Variants in SNTB1 observed in about 807,000 individuals in gnomAD.
The protein encoded by SNTB1 is beta-1-syntrophin.
A neutral mutation model predicts 48.9 loss-of-function variants in SNTB1; 36 were observed. The ratio of observed to expected loss-of-function variants is 0.74; its 90% CI spans 0.56 to 0.97. The LOEUF is 0.97. SNTB1 is among the 50% of genes least tolerant of loss of function. The pLI is 0.00. For missense variants in SNTB1, 786 were observed against 703.4 expected (o/e 1.12, Z -1.33); for synonymous variants, 299 against 294.6 (o/e 1.01, Z -0.15).
intron 3 of SNTB1, among the ~76,000 whole-genome samples, chr8:120,587,292 T>G (rs986079499): frequency 6.6e-6 from 1 of 152,040 alleles, no homozygotes; most frequent in Non-Finnish European, 1.5e-5. Flanking sequence ...AACTAATGTT[T>G]TATGGGAGGA....
At chr8:120,751,127 G>C (rs1819206618) in intron 1 of SNTB1, among the ~76,000 whole-genome samples, 1 of 152,162 alleles carries the variant, frequency 6.6e-6, no homozygotes, top group South Asian at 2.1e-4. Flanking sequence ...TCTGATGGAG[G>C]AGAGATGATG....
intron 1 of SNTB1, among the ~76,000 whole-genome samples, chr8:120,778,630 T>C (rs1819778515): frequency 6.6e-6 from 1 of 152,204 alleles, no homozygotes; most frequent in African/African-American, 2.4e-5. Flanking sequence ...TGGTGGGAAT[T>C]CAAACATGGA....
At chr8:120,778,464 G>A (rs547678201) in intron 1 of SNTB1, among the ~76,000 whole-genome samples, 1 of 152,242 alleles carries the variant, frequency 6.6e-6, no homozygotes, top group South Asian at 2.1e-4. Flanking sequence ...TCAGTGCTCT[G>A]GCATTTCTGC....
At chr8:120,637,832 G>T (rs1429965485) in intron 2 of SNTB1, 3 of 286,726 alleles carry the variant, frequency 1.0e-5, no homozygotes, top group South Asian at 3.8e-5. Context: ...TCTTGCAAAA[G>T]GTTTCTTTTG....
intron 1 of SNTB1, among the ~76,000 whole-genome samples, chr8:120,796,633 T>TA (rs1820123726): frequency 6.6e-6 from 1 of 152,004 alleles, no homozygotes; most frequent in Admixed American, 6.6e-5. Flanking sequence ...TGAGGAGACT[T>TA]ATATTAAAGC....
intron 1 of SNTB1, among the ~76,000 whole-genome samples, chr8:120,788,994 C>T (rs905016116): frequency 1.3e-5 from 2 of 152,052 alleles, no homozygotes; most frequent in East Asian, 3.9e-4. Flanking sequence ...TGATAGGCCA[C>T]AAAACAAGCC....
intron 2 of SNTB1, among the ~76,000 whole-genome samples, chr8:120,684,656 T>A (rs60133028): frequency 0.33 from 42,444 of 129,338 alleles, 6,629 homozygotes; most frequent in African/African-American, 0.58. Context: ...AAAAATTGAA[T>A]TTTTTTTTTT....
At chr8:120,752,505 A>G (rs1819237383) in intron 1 of SNTB1, among the ~76,000 whole-genome samples, 1 of 152,146 alleles carries the variant, frequency 6.6e-6, no homozygotes, top group Non-Finnish European at 1.5e-5. Context: ...TGTTCATTGT[A>G]GCACCATTCA....
chr8:120,692,674 A>G (rs1483350939), intron 2 of SNTB1, among the ~76,000 whole-genome samples: 2 of 152,146 alleles, frequency 1.3e-5, no homozygotes, highest in Non-Finnish European at 2.9e-5. Context: ...GACTTGGACC[A>G]AAGCCACTCC....
intron 5 of SNTB1, among the ~76,000 whole-genome samples, chr8:120,542,730 GCA>G (rs1162732972): frequency 6.2e-5 from 9 of 146,178 alleles, no homozygotes; most frequent in African/African-American, 1.5e-4. Flanking sequence ...ACACACACAC[GCA>G]CACACACACA....
At chr8:120,808,672 C>G (rs1820377566) in intron 1 of SNTB1, among the ~76,000 whole-genome samples, 1 of 152,162 alleles carries the variant, frequency 6.6e-6, no homozygotes, top group Admixed American at 6.5e-5. Context: ...GATGAAGACA[C>G]TGAGACTCAG....
At chr8:120,642,575 A>G (rs1817214820) in intron 2 of SNTB1, among the ~76,000 whole-genome samples, 1 of 152,144 alleles carries the variant, frequency 6.6e-6, no homozygotes. Context: ...AGAGTATGTT[A>G]GTTATGGACT....
intron 5 of SNTB1, among the ~76,000 whole-genome samples, chr8:120,543,045 A>G (rs1815318841): frequency 6.6e-6 from 1 of 152,082 alleles, no homozygotes; most frequent in Non-Finnish European, 1.5e-5. Flanking sequence ...CAAAGAAACA[A>G]AGCAAAAACC....
chr8:120,642,281 TC>T (rs1817209083), intron 2 of SNTB1, among the ~76,000 whole-genome samples: 1 of 152,172 alleles, frequency 6.6e-6, no homozygotes, highest in Admixed American at 6.5e-5. Context: ...CTTTTTATCA[TC>T]AAAAAGAACA....
rs73317298 is a variant in SNTB1 at position 120,543,544 on chromosome 8, T to A, written c.1334-1544A>T. Among the ~76,000 whole-genome samples, 1,435 of 152,236 alleles carry A rather than the reference T, an allele frequency of 9.4e-3. 25 individuals are homozygous for A. Among genetic ancestry groups the A allele is most frequent in the African/African-American group, 0.033 (1,353 of 41,538 alleles). ...TACCCGGGTTGTTTGGCTTTCAAAATTCAAATTCTTTCCACTCTGTCCTGT... is the reference window on the plus strand; with the variant it reads ...TACCCGGGTTGTTTGGCTTTCAAAAATCAAATTCTTTCCACTCTGTCCTGT... On this transcript the variant is annotated intron_variant, in intron 5 of 6. Transcript: ENST00000517992.
intron 1 of SNTB1, among the ~76,000 whole-genome samples, chr8:120,697,120 G>T (rs1818225078): frequency 6.6e-6 from 1 of 152,216 alleles, no homozygotes; most frequent in Non-Finnish European, 1.5e-5. Flanking sequence ...TCCCAGAAAT[G>T]TGTGGCTTTA....
At chr8:120,684,807 A>T (rs1410508744) in intron 2 of SNTB1, among the ~76,000 whole-genome samples, 1 of 152,030 alleles carries the variant, frequency 6.6e-6, no homozygotes, top group Non-Finnish European at 1.5e-5. Context: ...GGCATCTGCC[A>T]CCACACCCAG....
intron 3 of SNTB1, among the ~76,000 whole-genome samples, chr8:120,619,565 A>G (rs1816762829): frequency 6.6e-6 from 1 of 152,160 alleles, no homozygotes. Context: ...TGGAAACCCC[A>G]TTTCACACAG....
At chr8:120,807,272 C>T (rs879839979) in intron 1 of SNTB1, among the ~76,000 whole-genome samples, 4 of 152,140 alleles carry the variant, frequency 2.6e-5, no homozygotes, top group Non-Finnish European at 5.9e-5. Context: ...ACTATCAATC[C>T]AAGAGCAAAA....
Sources: gnomAD v4.1 joint callset for allele counts (sites outside exome capture counted in the v4.1 genomes callset) on GRCh38, gnomAD v4.1.1 for gene constraint, MANE v1.5 for transcripts, NCBI Gene and HGNC (gene_info 2026-07-23, HGNC 2026-07-21) for gene names.